The following B9D1 variants were observed in gnomAD, a reference collection of about 807,000 sequenced individuals.
B9D1 encodes the protein B9 domain-containing protein 1.
B9D1 carries 20 observed loss-of-function variants against 26.1 expected under a neutral mutation model. That is an observed-to-expected ratio of 0.77 (90% CI 0.54 to 1.12). The LOEUF is 1.12. Ranked by LOEUF, B9D1 falls within the 50% of genes most tolerant of loss-of-function variation. The pLI is 0.00. For synonymous variants in B9D1, 105 were observed against 103.1 expected, an observed-to-expected ratio of 1.02 and a Z score of -0.11; for missense variants, 260 against 273.7, an observed-to-expected ratio of 0.95 and a Z score of 0.35.
rs1567907075 is a variant in B9D1 at position 19,362,650 on chromosome 17, CG to C, written c.-82del. 3.2e-6 allele frequency: 5 copies of C among 1,552,172 alleles called. No individual in the cohort carries two copies. Among genetic ancestry groups the C allele is most frequent in the Non-Finnish European group, 4.4e-6 (5 of 1,147,810 alleles). On this transcript the variant is annotated 5_prime_UTR_variant, in exon 1 of 7. Transcript: ENST00000261499. The stretch of plus-strand genomic sequence containing the variant: ...ACGCCGGCGTTGCCCTAGAAACAGA[CG>C]GCGTAGCGCGCAGGACACGTTTCTT...
chr17:19,337,506 G>A (rs1038508268), downstream of B9D1: 1 of 533,570 alleles, frequency 1.9e-6, no homozygotes, highest in Admixed American at 2.9e-5. Context: ...TCCACCCAAG[G>A]ATAAGCAGAC....
chr17:19,362,729 C>T (rs1282146273), upstream of B9D1: 4 of 1,501,122 alleles, frequency 2.7e-6, no homozygotes, highest in Non-Finnish European at 3.6e-6. Flanking sequence ...CATGCGCAGG[C>T]GCAGTGAACG....
intron 5 of B9D1, 118 bp from the exon 6 acceptor site, chr17:19,343,975 C>G (rs1908347978): frequency 1.4e-6 from 2 of 1,453,726 alleles, no homozygotes; most frequent in Non-Finnish European, 1.9e-6. Context: ...CCAACCGCAC[C>G]CCACCCCCAC....
chr17:19,369,263 C>T (rs1198426402), intron 1 of B9D1, among the ~76,000 whole-genome samples: 1 of 152,058 alleles, frequency 6.6e-6, no homozygotes, highest in Non-Finnish European at 1.5e-5. Flanking sequence ...AGGCAAAGAG[C>T]ATAGTCGGTG....
chr17:19,364,849 C>T (rs1003274775), upstream of B9D1, among the ~76,000 whole-genome samples: 2 of 152,222 alleles, frequency 1.3e-5, no homozygotes, highest in Admixed American at 6.5e-5. This position sits in a 1 kb window ranked among gnomAD's most constrained non-coding sequence, Gnocchi z 4.3. Flanking sequence ...ATTGGGCAGG[C>T]GGGGCTGTCA....
At chr17:19,345,206 G>A (rs1476143910) in intron 5 of B9D1, among the ~76,000 whole-genome samples, 3 of 152,212 alleles carry the variant, frequency 2.0e-5, no homozygotes, top group Admixed American at 2.0e-4. Flanking sequence ...CAGGAACTGA[G>A]GTAGATGGGA....
intron 5 of B9D1, 86 bp from the exon 6 acceptor site, chr17:19,343,943 T>A: frequency 1.3e-6 from 2 of 1,589,362 alleles, no homozygotes; most frequent in Non-Finnish European, 1.7e-6. Flanking sequence ...CTCTCCTCGG[T>A]TCAGAAACCA....
chr17:19,367,414 C>T (rs1258293340), upstream of B9D1, among the ~76,000 whole-genome samples: 10 of 150,216 alleles, frequency 6.7e-5, 1 homozygote, highest in East Asian at 4.0e-4. Context: ...TGGGTTCAAG[C>T]GATTCTCCTG....
intron 3 of B9D1, among the ~76,000 whole-genome samples, chr17:19,353,220 C>T (rs1453296539): frequency 3.9e-5 from 6 of 151,920 alleles, no homozygotes; most frequent in African/African-American, 1.2e-4. Flanking sequence ...GTGATCCACC[C>T]GCCTCAGCCT....
At chr17:19,364,957 C>A (rs1911509086), upstream of B9D1, among the ~76,000 whole-genome samples, 2 of 152,244 alleles carry the variant, frequency 1.3e-5, no homozygotes, top group South Asian at 4.1e-4. The surrounding 1 kb of genome is among the most constrained non-coding windows in gnomAD (Gnocchi z 4.3). Context: ...TGCTGCCGGG[C>A]AGCTGGCCAG....
At chr17:19,342,758 G>GT (rs1233445377), downstream of B9D1, among the ~76,000 whole-genome samples, 1 of 152,170 alleles carries the variant, frequency 6.6e-6, no homozygotes, top group African/African-American at 2.4e-5. Flanking sequence ...TGGGTAGGGG[G>GT]GCAGAGAGGG....
chr17:19,354,760 G>A (rs6587066), intron 3 of B9D1, among the ~76,000 whole-genome samples: 138,506 of 152,196 alleles, frequency 0.91, 63,686 homozygotes, highest in African/African-American at 0.97. Context: ...CCTGGGAGGC[G>A]GAGGTTGCAG....
intron 3 of B9D1, among the ~76,000 whole-genome samples, chr17:19,350,560 C>T (rs968976542): frequency 8.6e-5 from 13 of 151,440 alleles, no homozygotes; most frequent in African/African-American, 3.2e-4. Context: ...AAAACAAAAA[C>T]AAAAACAAAA....
intron 2 of B9D1, among the ~76,000 whole-genome samples, chr17:19,358,428 G>A (rs918530338): frequency 6.6e-6 from 1 of 152,104 alleles, no homozygotes; most frequent in Non-Finnish European, 1.5e-5. Flanking sequence ...CACACTCACC[G>A]GCTCCAATTC....
In B9D1 at chr17:19,347,030, TCAGACA is replaced by T; in HGVS notation, c.404+233_404+238del. 1 of 1,546,856 alleles carries T rather than the reference TCAGACA, an allele frequency of 6.5e-7. No homozygotes were observed. The highest frequency in any genetic ancestry group is 8.7e-7 in the Non-Finnish European group (1 of 1,146,092). On this transcript the variant is annotated intron_variant, in intron 5 of 6. Transcript: ENST00000261499. The surrounding 1 kb of genome is among the most constrained non-coding windows in gnomAD (Gnocchi z 4.3). ...TGACAAGAGTTTTTCCTCTGCTCCC[TCAGACA>T]CAAAGATTTTTCACAGGGCACAGGG...
intron 1 of B9D1, among the ~76,000 whole-genome samples, chr17:19,374,126 T>A (rs939642924): frequency 6.6e-6 from 1 of 152,194 alleles, no homozygotes; most frequent in East Asian, 1.9e-4. Context: ...CTGAAACACA[T>A]GTCATCTCAG....
At chr17:19,360,922 G>T (rs528433016) in intron 1 of B9D1, among the ~76,000 whole-genome samples, 2 of 152,306 alleles carry the variant, frequency 1.3e-5, no homozygotes, top group African/African-American at 4.8e-5. Flanking sequence ...CACACAGCAA[G>T]AGGTGAGGAG....
At chr17:19,337,407 G>A (rs1314285216), downstream of B9D1, 3 of 299,964 alleles carry the variant, frequency 1.0e-5, no homozygotes, top group Non-Finnish European at 1.9e-5. Context: ...TGATGGGAAG[G>A]GTTGGAGAGG....
At chr17:19,367,308 CTTTTTTTTTTT>C (rs35898862), upstream of B9D1, among the ~76,000 whole-genome samples, 7 of 121,522 alleles carry the variant, frequency 5.8e-5, no homozygotes, top group Non-Finnish European at 1.0e-4. Flanking sequence ...TAAAATCAAT[CTTTTTTTTTTT>C]TTTTTTTTTG....
Sources: allele counts gnomAD v4.1 joint callset (sites outside exome capture counted in the v4.1 genomes callset), GRCh38; gene constraint gnomAD v4.1.1; non-coding constraint Gnocchi (gnomAD v3.1); transcripts MANE v1.5; gene names NCBI Gene and HGNC (gene_info 2026-07-23, HGNC 2026-07-21).